Variants in CELF2 observed in about 807,000 individuals in gnomAD.
CELF2 encodes the protein CUGBP Elav-like family member 2.
Under a neutral mutation model 62.6 loss-of-function variants are expected in CELF2, and 8 were observed. The observed-to-expected ratio is 0.13, with a 90% CI of 0.07 to 0.23. The LOEUF (loss-of-function observed/expected upper bound fraction) is 0.23. CELF2 is among the 10% of genes least tolerant of loss of function. The pLI, the probability that CELF2 is intolerant of heterozygous loss-of-function variation, is 1.00. For synonymous variants in CELF2, 258 were observed against 250.0 expected (o/e 1.03, Z -0.30); for missense variants, 333 against 671.0 (o/e 0.50, Z 5.56).
chr10:10,683,966 C>A, the CELF2 span, among the ~76,000 whole-genome samples: 1 of 152,046 alleles, frequency 6.6e-6, no homozygotes, highest in African/African-American at 2.4e-5. Flanking sequence ...CCTTTCACTC[C>A]TTTTCAGAAT....
chr10:10,528,725 A>G, the CELF2 span, among the ~76,000 whole-genome samples: 1 of 152,208 alleles, frequency 6.6e-6, no homozygotes, highest in Non-Finnish European at 1.5e-5. Flanking sequence ...AAGATCTTTT[A>G]TCACCAAATA....
chr10:10,560,937 G>T, the CELF2 span, among the ~76,000 whole-genome samples: 1 of 151,916 alleles, frequency 6.6e-6, no homozygotes, highest in Non-Finnish European at 1.5e-5. Context: ...AACATCGTAT[G>T]TTCTCACTGA....
At chr10:10,907,631 C>A (rs562179018) in intron 1 of CELF2, among the ~76,000 whole-genome samples, 33 of 116,330 alleles carry the variant, frequency 2.8e-4, no homozygotes, top group African/African-American at 1.1e-3. Context: ...GATTCCATTT[C>A]TGTTGGTTTT....
intron 1 of CELF2, among the ~76,000 whole-genome samples, chr10:10,906,700 C>G (rs1591758392): frequency 7.2e-6 from 1 of 138,282 alleles, no homozygotes; most frequent in South Asian, 2.4e-4. Flanking sequence ...ACATACCTTT[C>G]TTTTTCTTTT....
chr10:10,752,167 C>G, the CELF2 span, among the ~76,000 whole-genome samples: 23 of 152,318 alleles, frequency 1.5e-4, no homozygotes, highest in South Asian at 4.6e-3. Flanking sequence ...TTGGCTTGTA[C>G]TCCTCCCAGG....
intron 1 of CELF2, among the ~76,000 whole-genome samples, chr10:10,801,513 C>T (rs181849180): frequency 1.2e-4 from 18 of 152,240 alleles, no homozygotes; most frequent in East Asian, 1.9e-4. Context: ...TGTACTCTAA[C>T]GCCACATAGC....
At chr10:11,126,590 A>G (rs992023491) in intron 1 of CELF2, among the ~76,000 whole-genome samples, 4 of 152,178 alleles carry the variant, frequency 2.6e-5, no homozygotes, top group Non-Finnish European at 5.9e-5. Context: ...CCCGTGGTTC[A>G]CTCTGGCTGC....
At chr10:10,888,906 T>C (rs757908027) in intron 1 of CELF2, among the ~76,000 whole-genome samples, 1 of 152,326 alleles carries the variant, frequency 6.6e-6, no homozygotes. Context: ...ATAGGCTTCT[T>C]GGAGCGGGGA....
chr10:11,293,724 G>T (rs1396663539), intron 9 of CELF2, among the ~76,000 whole-genome samples: 2 of 152,166 alleles, frequency 1.3e-5, no homozygotes, highest in Non-Finnish European at 2.9e-5. Flanking sequence ...AAGTAGGGAA[G>T]GTGTGTTATT....
At chr10:10,877,954 C>G (rs529421626) in intron 1 of CELF2, among the ~76,000 whole-genome samples, 1 of 152,224 alleles carries the variant, frequency 6.6e-6, no homozygotes, top group African/African-American at 2.4e-5. Context: ...CAGCCTAACC[C>G]AGAAACCAAG....
At chr10:11,282,315 G>T (rs1426515383) in intron 8 of CELF2, among the ~76,000 whole-genome samples, 1 of 152,240 alleles carries the variant, frequency 6.6e-6, no homozygotes, top group African/African-American at 2.4e-5. Context: ...GGCCAGGCTG[G>T]CAGGGAGAGG....
the CELF2 span, among the ~76,000 whole-genome samples, chr10:10,490,082 T>C: frequency 7.5e-6 from 1 of 133,608 alleles, no homozygotes; most frequent in South Asian, 2.5e-4. Flanking sequence ...TTCTCTGGAA[T>C]GTCATGGGGG....
At chr10:11,287,291 T>G (rs915015220) in intron 8 of CELF2, among the ~76,000 whole-genome samples, 1 of 152,116 alleles carries the variant, frequency 6.6e-6, no homozygotes, top group African/African-American at 2.4e-5. Context: ...TGTTTCATGC[T>G]TCTCACATGT....
At chr10:11,086,606 A>AC in intron 1 of CELF2, among the ~76,000 whole-genome samples, 1 of 118,068 alleles carries the variant, frequency 8.5e-6, no homozygotes, top group Non-Finnish European at 1.8e-5. Context: ...AAAAAAAAAA[A>AC]AAAACTCCCG....
intron 1 of CELF2, among the ~76,000 whole-genome samples, chr10:11,103,686 T>C (rs895027133): frequency 1.3e-5 from 2 of 152,106 alleles, no homozygotes; most frequent in Admixed American, 6.5e-5. Context: ...TGATTTGTTG[T>C]TGCAGGGGTG....
intron 2 of CELF2, among the ~76,000 whole-genome samples, chr10:10,980,182 A>T (rs59748116): frequency 0.026 from 3,922 of 152,324 alleles, 177 homozygotes; most frequent in African/African-American, 0.089. Flanking sequence ...ACAGGAGCAG[A>T]TCATTCCGGC....
At chr10:11,248,291 G>A (rs867034539) in intron 3 of CELF2, among the ~76,000 whole-genome samples, 16 of 152,314 alleles carry the variant, frequency 1.1e-4, no homozygotes, top group African/African-American at 3.8e-4. Flanking sequence ...GGCACCGGGT[G>A]TGATGGGCAC....
chr10:10,865,177 G>A (rs1229469085), intron 1 of CELF2, among the ~76,000 whole-genome samples: 3 of 152,056 alleles, frequency 2.0e-5, no homozygotes, highest in East Asian at 1.9e-4. Flanking sequence ...TCCTGCTCTC[G>A]TAGAAAATAT....
chr10:10,929,354 T>C (rs2065844809), intron 2 of CELF2, among the ~76,000 whole-genome samples: 1 of 152,230 alleles, frequency 6.6e-6, no homozygotes, highest in African/African-American at 2.4e-5. Context: ...AGTATCACTG[T>C]GTGGAGATAA....
Sources: allele counts gnomAD v4.1 joint callset (sites outside exome capture counted in the v4.1 genomes callset), GRCh38; gene constraint gnomAD v4.1.1; transcripts MANE v1.5; gene names NCBI Gene and HGNC (gene_info 2026-07-23, HGNC 2026-07-21).